Variants in CEP85L observed in about 807,000 individuals in gnomAD.
CEP85L encodes the protein centrosomal protein of 85 kDa-like.
Under a neutral mutation model 100.3 loss-of-function variants are expected in CEP85L, and 60 were observed. The ratio of observed to expected loss-of-function variants is 0.60; its 90% CI spans 0.49 to 0.74. CEP85L has a LOEUF of 0.74. CEP85L is among the 30% of genes least tolerant of loss of function. CEP85L has a pLI of 0.00. For synonymous variants in CEP85L, 319 were observed against 322.7 expected, an observed-to-expected ratio of 0.99 and a Z score of 0.12; for missense variants, 973 against 936.2, an observed-to-expected ratio of 1.04 and a Z score of -0.51.
intron 5 of CEP85L, among the ~76,000 whole-genome samples, chr6:118,507,875 C>G (rs769968025): frequency 6.6e-6 from 1 of 152,178 alleles, no homozygotes; most frequent in Non-Finnish European, 1.5e-5. Flanking sequence ...GCACTTCATA[C>G]ATAAACCCTG....
intron 1 of CEP85L, 95 bp downstream of exon 1, chr6:118,651,102 C>T (rs540072719): frequency 7.1e-7 from 1 of 1,405,240 alleles, no homozygotes; most frequent in South Asian, 1.5e-5. Flanking sequence ...CGGGGTAAGA[C>T]AGGCCTGAGG....
intron 5 of CEP85L, among the ~76,000 whole-genome samples, chr6:118,505,604 A>G (rs1042928482): frequency 2.6e-5 from 4 of 152,156 alleles, no homozygotes; most frequent in Non-Finnish European, 4.4e-5. Context: ...TTAAATGCAT[A>G]CTACTAAGTG....
At chr6:118,565,389 G>T in intron 3 of CEP85L, 140 bp downstream of exon 3, 1 of 814,508 alleles carries the variant, frequency 1.2e-6, no homozygotes, top group Non-Finnish European at 2.0e-6. Context: ...TTTTCGGTTT[G>T]TAACATTTCT....
At chr6:118,698,975 G>T (rs1300245825) in intron 1 of CEP85L, among the ~76,000 whole-genome samples, 1 of 152,066 alleles carries the variant, frequency 6.6e-6, no homozygotes, top group Non-Finnish European at 1.5e-5. Context: ...CATTTACTGA[G>T]GTTATTTTTA....
chr6:118,560,384 G>A (rs1010372589), intron 3 of CEP85L: 12 of 166,850 alleles, frequency 7.2e-5, no homozygotes, highest in African/African-American at 2.9e-4. Context: ...ATAAGAAAGA[G>A]AAAATATATT....
chr6:118,633,227 G>A (rs181428999), intron 1 of CEP85L, among the ~76,000 whole-genome samples: 325 of 143,184 alleles, frequency 2.3e-3, no homozygotes, highest in African/African-American at 8.0e-3. Context: ...TTTTTGAGAC[G>A]AGTCTCGCTG....
intron 1 of CEP85L, among the ~76,000 whole-genome samples, chr6:118,673,072 G>A (rs894624496): frequency 6.6e-6 from 1 of 152,182 alleles, no homozygotes; most frequent in African/African-American, 2.4e-5. Context: ...CCTGGTTCTA[G>A]TGCAGTGCTC....
chr6:118,472,805 C>G (rs958554371), intron 10 of CEP85L, among the ~76,000 whole-genome samples: 1 of 152,142 alleles, frequency 6.6e-6, no homozygotes, highest in Non-Finnish European at 1.5e-5. Flanking sequence ...ACACCTACAA[C>G]AGCTCTCAAA....
At position 118,502,655 on chromosome 6, in the gene CEP85L, G is replaced by A. The variant is rs1775383123; in HGVS notation, c.1257+8643C>T. 8.5e-6 allele frequency: 4 copies of A among 467,952 alleles called. No homozygotes were observed. In the South Asian group the frequency reaches 8.7e-5, roughly 10 times the overall value. The allele number at this position is 467,952 out of a possible 1,614,324, so 29.0% of individuals were successfully genotyped here. On this transcript the variant is annotated intron_variant, in intron 5 of 12. Transcript: ENST00000368491. ...CCTGATGAGACCAACAAATTGCTCAGGGAGCTCCAGCTCAATGAGCATTTG... is the reference window on the plus strand; with the variant it reads ...CCTGATGAGACCAACAAATTGCTCAAGGAGCTCCAGCTCAATGAGCATTTG...
chr6:118,664,007 T>C (rs1776055820), intron 1 of CEP85L, among the ~76,000 whole-genome samples: 2 of 150,468 alleles, frequency 1.3e-5, no homozygotes, highest in African/African-American at 2.4e-5. Context: ...GTGATCCTCC[T>C]GCCTCAGCCT....
chr6:118,596,606 T>C (rs998474581), intron 2 of CEP85L, among the ~76,000 whole-genome samples: 2 of 152,166 alleles, frequency 1.3e-5, no homozygotes, highest in Non-Finnish European at 2.9e-5. Context: ...TAAATAGTCT[T>C]TATTATGCCT....
At chr6:118,665,497 T>C (rs1776106722) in intron 1 of CEP85L, among the ~76,000 whole-genome samples, 1 of 152,052 alleles carries the variant, frequency 6.6e-6, no homozygotes, top group African/African-American at 2.4e-5. Flanking sequence ...TAGCTGGGAC[T>C]ACAGGTGTGT....
intron 2 of CEP85L, among the ~76,000 whole-genome samples, chr6:118,568,116 T>G (rs1465012964): frequency 1.3e-5 from 2 of 152,156 alleles, no homozygotes; most frequent in East Asian, 1.9e-4. Flanking sequence ...CTACCATTTT[T>G]GGGTGATACA....
chr6:118,487,705 G>A (rs1244133743), intron 6 of CEP85L, among the ~76,000 whole-genome samples: 1 of 152,164 alleles, frequency 6.6e-6, no homozygotes, highest in African/African-American at 2.4e-5. Context: ...TGCCTTGCCT[G>A]TCTTGGAACA....
At chr6:118,693,780 G>A (rs980493614) in intron 1 of CEP85L, among the ~76,000 whole-genome samples, 2 of 152,232 alleles carry the variant, frequency 1.3e-5, no homozygotes, top group African/African-American at 4.8e-5. Flanking sequence ...TACTACTGTA[G>A]ATGTGGCTGG....
intron 2 of CEP85L, among the ~76,000 whole-genome samples, chr6:118,625,388 T>G (rs963536589): frequency 1.3e-5 from 2 of 152,198 alleles, no homozygotes; most frequent in African/African-American, 4.8e-5. Context: ...CGAGCGCCTA[T>G]TCTCCCTTTT....
intron 8 of CEP85L, among the ~76,000 whole-genome samples, chr6:118,481,299 T>A (rs1773766164): frequency 6.6e-6 from 1 of 152,044 alleles, no homozygotes; most frequent in Non-Finnish European, 1.5e-5. Flanking sequence ...CAGTCTTCAT[T>A]TGTATGAGTT....
intron 2 of CEP85L, among the ~76,000 whole-genome samples, chr6:118,590,516 G>C (rs564873099): frequency 3.2e-4 from 49 of 152,222 alleles, no homozygotes; most frequent in African/African-American, 1.1e-3. Flanking sequence ...CAAAGGCTAG[G>C]GTGGGAGGAC....
At chr6:118,647,988 T>A (rs1201753428) in intron 1 of CEP85L, among the ~76,000 whole-genome samples, 1 of 152,254 alleles carries the variant, frequency 6.6e-6, no homozygotes, top group East Asian at 1.9e-4. Context: ...GCGCGGTTAC[T>A]CATGCCTGTA....
Sources: allele counts gnomAD v4.1 joint callset (sites outside exome capture counted in the v4.1 genomes callset), GRCh38; gene constraint gnomAD v4.1.1; transcripts MANE v1.5; gene names NCBI Gene and HGNC (gene_info 2026-07-23, HGNC 2026-07-21).